The following DLG2 variants were observed in gnomAD, a reference collection of about 807,000 sequenced individuals.
The protein encoded by DLG2 is disks large homolog 2.
A neutral mutation model predicts 132.5 loss-of-function variants in DLG2; 45 were observed. The observed-to-expected ratio is 0.34, with a 90% CI of 0.27 to 0.44. DLG2 has a LOEUF of 0.44. Among genes scored for constraint, DLG2 ranks in the 20% least tolerant of loss-of-function variants. The pLI is 1.00. For missense variants in DLG2, 1,045 were observed against 1,196.9 expected (o/e 0.87, Z 1.87); for synonymous variants, 424 against 419.6 (o/e 1.01, Z -0.13).
intron 3 of DLG2, among the ~76,000 whole-genome samples, chr11:85,449,656 T>A (rs190324443): frequency 1.3e-5 from 2 of 152,334 alleles, no homozygotes; most frequent in Non-Finnish European, 1.5e-5. Flanking sequence ...GTAGTTTTCA[T>A]TCTCAATTTA....
intron 3 of DLG2, among the ~76,000 whole-genome samples, chr11:85,559,465 T>C (rs2077109073): frequency 1.3e-5 from 2 of 151,674 alleles, no homozygotes; most frequent in Non-Finnish European, 2.9e-5. Context: ...CTTCCATTAT[T>C]GCTAGGTCTC....
At chr11:83,592,374 G>T (rs1217648347) in intron 19 of DLG2, among the ~76,000 whole-genome samples, 1 of 147,354 alleles carries the variant, frequency 6.8e-6, no homozygotes, top group Non-Finnish European at 1.5e-5. Flanking sequence ...ACAAACCTGA[G>T]AAAAACAAGC....
At chr11:84,037,395 C>T (rs1330230957) in intron 11 of DLG2, among the ~76,000 whole-genome samples, 2 of 152,046 alleles carry the variant, frequency 1.3e-5, no homozygotes, top group Non-Finnish European at 2.9e-5. Context: ...AAAGACAAGA[C>T]TCATAAAATA....
intron 5 of DLG2, among the ~76,000 whole-genome samples, chr11:85,130,080 T>C (rs774192621): frequency 6.6e-6 from 1 of 151,810 alleles, no homozygotes; most frequent in Non-Finnish European, 1.5e-5. Context: ...AGAGGAGAAA[T>C]AGCATTAAGA....
chr11:85,143,775 T>C (rs1339607409), intron 5 of DLG2, among the ~76,000 whole-genome samples: 6 of 151,888 alleles, frequency 4.0e-5, no homozygotes, highest in African/African-American at 1.4e-4. Flanking sequence ...TTCTATTCCA[T>C]AGTGGTCAGA....
intron 7 of DLG2, among the ~76,000 whole-genome samples, chr11:84,385,827 C>T (rs965169095): frequency 6.6e-6 from 1 of 152,038 alleles, no homozygotes; most frequent in African/African-American, 2.4e-5. Context: ...ATAAAGAGAC[C>T]TGTATGCACG....
chr11:84,832,500 A>G (rs1422493545), intron 6 of DLG2, among the ~76,000 whole-genome samples: 1 of 151,668 alleles, frequency 6.6e-6, no homozygotes, highest in Non-Finnish European at 1.5e-5. Flanking sequence ...CCAGAGACAA[A>G]GCACGGAAAA....
intron 20 of DLG2, among the ~76,000 whole-genome samples, chr11:83,540,694 G>A (rs982052140): frequency 1.1e-4 from 17 of 152,194 alleles, no homozygotes; most frequent in African/African-American, 9.7e-5. Flanking sequence ...CACTTGATGT[G>A]TAGTAGCACT....
At chr11:85,256,795 C>T (rs536838995) in intron 4 of DLG2, among the ~76,000 whole-genome samples, 3 of 152,082 alleles carry the variant, frequency 2.0e-5, no homozygotes. Context: ...AAAAAAAAGT[C>T]TTTACAAAAA....
intron 6 of DLG2, among the ~76,000 whole-genome samples, chr11:84,912,838 GA>G (rs777172743): frequency 1.1e-3 from 169 of 152,336 alleles, no homozygotes; most frequent in African/African-American, 3.6e-3. Flanking sequence ...TGAAAATTTT[GA>G]AGGCAGTGAG....
intron 6 of DLG2, among the ~76,000 whole-genome samples, chr11:84,736,105 T>G (rs1433192220): frequency 1.3e-5 from 2 of 151,890 alleles, no homozygotes; most frequent in Non-Finnish European, 2.9e-5. Flanking sequence ...AAGTTCATTT[T>G]TTTGCACATG....
chr11:85,206,075 C>T (rs1478404958), intron 4 of DLG2, among the ~76,000 whole-genome samples: 1 of 152,032 alleles, frequency 6.6e-6, no homozygotes, highest in Non-Finnish European at 1.5e-5. Flanking sequence ...CTGTACTATC[C>T]TCAAGATAAT....
chr11:84,366,863 G>A (rs2098686161), intron 7 of DLG2, among the ~76,000 whole-genome samples: 2 of 151,970 alleles, frequency 1.3e-5, no homozygotes, highest in South Asian at 4.2e-4. Flanking sequence ...ATTAATAATG[G>A]GAGACTTTAA....
chr11:85,072,001 C>T (rs114399165), intron 6 of DLG2, among the ~76,000 whole-genome samples: 177 of 151,912 alleles, frequency 1.2e-3, no homozygotes, highest in African/African-American at 4.1e-3. Context: ...GAAATGAGAA[C>T]GCATTTAATC....
At chr11:85,004,988 T>C (rs2058524267) in intron 6 of DLG2, among the ~76,000 whole-genome samples, 1 of 152,212 alleles carries the variant, frequency 6.6e-6, no homozygotes, top group Non-Finnish European at 1.5e-5. Flanking sequence ...AGGGAATCCT[T>C]TCCCCATTGC....
At position 84,081,392 on chromosome 11, in the gene DLG2, C is replaced by T. The variant is rs1396516859; in HGVS notation, c.749+17531G>A. Among the ~76,000 whole-genome samples the T allele has an allele frequency of 2.0e-5, 3 of 150,330 alleles. 1 individual carries two copies. Among genetic ancestry groups the T allele is most frequent in the Non-Finnish European group, 4.4e-5 (3 of 67,680 alleles). ...TAAACACTATTATTATTAATTCAAT[C>T]AGACAAATGTTAAAAAATACTTCAG... On this transcript the variant is annotated intron_variant, in intron 10 of 27. Transcript: ENST00000376104.
rs576886664 is a variant in DLG2 at position 84,549,210 on chromosome 11, T to G, written c.358-14479A>C. 7.9e-5 allele frequency among the ~76,000 whole-genome samples: 12 copies of G among 152,322 alleles called. No homozygotes were observed. The South Asian group carries it at 2.5e-3, about 32-fold the overall frequency. Reference sequence around the variant, plus strand: ...GAGAGGACCAGGCTTTAAGTCAAATTGCTTTGGTACCAAGAAATCAAAGCA... The same window carrying G: ...GAGAGGACCAGGCTTTAAGTCAAATGGCTTTGGTACCAAGAAATCAAAGCA... On this transcript the variant is annotated intron_variant, in intron 6 of 27. Coordinates refer to ENST00000376104, the MANE Select transcript of DLG2 (RefSeq NM_001142699.3).
chr11:84,091,231 G>T (rs1595037358), intron 10 of DLG2, among the ~76,000 whole-genome samples: 2 of 152,194 alleles, frequency 1.3e-5, no homozygotes, highest in Non-Finnish European at 2.9e-5. Context: ...ACTGTTCAGA[G>T]AAATTCATCT....
At chr11:84,939,825 T>C (rs549258248) in intron 6 of DLG2, among the ~76,000 whole-genome samples, 4 of 152,322 alleles carry the variant, frequency 2.6e-5, no homozygotes, top group South Asian at 2.1e-4. Flanking sequence ...CATTTGTCTA[T>C]TGATGGACAT....
Sources: allele counts gnomAD v4.1 joint callset (sites outside exome capture counted in the v4.1 genomes callset), GRCh38; gene constraint gnomAD v4.1.1; transcripts MANE v1.5; gene names NCBI Gene and HGNC (gene_info 2026-07-23, HGNC 2026-07-21).